Variants in GLCE observed in about 807,000 individuals in gnomAD.
The protein encoded by GLCE is D-glucuronyl C5-epimerase.
GLCE carries 19 observed loss-of-function variants against 47.9 expected under a neutral mutation model. That is an observed-to-expected ratio of 0.40 (90% CI 0.28 to 0.58). The LOEUF (loss-of-function observed/expected upper bound fraction) is 0.58, where lower values mean the gene tolerates loss of function less well. Ranked by LOEUF, GLCE falls within the 20% of genes least tolerant of loss-of-function variation. The pLI is 0.48. For missense variants in GLCE, 556 were observed against 743.3 expected, an observed-to-expected ratio of 0.75 and a Z score of 2.93; for synonymous variants, 245 against 263.4, an observed-to-expected ratio of 0.93 and a Z score of 0.68.
chr15:69,265,789 C>T (rs1346240356), intron 4 of GLCE, among the ~76,000 whole-genome samples: 1 of 152,156 alleles, frequency 6.6e-6, no homozygotes, highest in African/African-American at 2.4e-5. Context: ...TTCCAGCTTC[C>T]TCACACTTGG....
rs76378636 is a variant in GLCE, at chr15:69,192,451, T to C, written c.-104-17865T>C. 9.1e-3 allele frequency among the ~76,000 whole-genome samples: 1,392 copies of C among 152,250 alleles called. 15 individuals carry two copies. The highest frequency in any genetic ancestry group is 0.031 in the African/African-American group (1,305 of 41,570). On this transcript the variant is annotated intron_variant, in intron 1 of 4. Coordinates refer to ENST00000261858, the MANE Select transcript of GLCE (RefSeq NM_015554.3). ...CTCATTGTGTTTGGGTTTTCTCTTA[T>C]GCTGTTGAGGAAACATTTGTTATAG... is the stretch of plus-strand genomic sequence containing the variant.
At chr15:69,221,029 C>T (rs1386333740) in intron 2 of GLCE, among the ~76,000 whole-genome samples, 3 of 152,144 alleles carry the variant, frequency 2.0e-5, no homozygotes, top group African/African-American at 7.2e-5. Flanking sequence ...CTTTTATTCC[C>T]CTTTGGGTGG....
At chr15:69,215,881 G>C (rs2052300414) in intron 2 of GLCE, among the ~76,000 whole-genome samples, 2 of 152,154 alleles carry the variant, frequency 1.3e-5, no homozygotes, top group South Asian at 4.2e-4. Flanking sequence ...TTTGTGAAAA[G>C]GTAGCTGGTC....
intron 2 of GLCE, among the ~76,000 whole-genome samples, chr15:69,212,122 GT>G (rs1566957315): frequency 1.3e-5 from 2 of 151,464 alleles, no homozygotes; most frequent in Non-Finnish European, 2.9e-5. Context: ...GCTTTAATAT[GT>G]TAATGAGGCC....
chr15:69,164,244 CT>C, intron 1 of GLCE, among the ~76,000 whole-genome samples: 1 of 152,102 alleles, frequency 6.6e-6, no homozygotes, highest in South Asian at 2.1e-4. Context: ...CATTATTACA[CT>C]GCTGAAAATG....
chr15:69,245,353 A>AG (rs2052732347), intron 2 of GLCE, among the ~76,000 whole-genome samples: 1 of 144,762 alleles, frequency 6.9e-6, no homozygotes, highest in Non-Finnish European at 1.5e-5. Context: ...AAAAAAAAAA[A>AG]GTACATACCT....
At chr15:69,196,614 C>G (rs1264063269) in intron 1 of GLCE, 1 of 161,662 alleles carries the variant, frequency 6.2e-6, no homozygotes, top group African/African-American at 2.4e-5. Flanking sequence ...GAGTGTTGTG[C>G]CCGGCCATCA....
At chr15:69,212,908 C>T (rs1595758381) in intron 2 of GLCE, among the ~76,000 whole-genome samples, 1 of 152,102 alleles carries the variant, frequency 6.6e-6, no homozygotes, top group East Asian at 1.9e-4. Flanking sequence ...ATGGGGTTTT[C>T]TTTAAAATGT....
intron 2 of GLCE, among the ~76,000 whole-genome samples, chr15:69,241,929 A>T (rs768734222): frequency 5.3e-5 from 8 of 152,226 alleles, no homozygotes; most frequent in Non-Finnish European, 8.8e-5. Context: ...AGACTTAATT[A>T]TCTGGATTTG....
intron 1 of GLCE, among the ~76,000 whole-genome samples, chr15:69,165,986 AC>A (rs1566944497): frequency 2.0e-5 from 3 of 152,222 alleles, no homozygotes; most frequent in Non-Finnish European, 4.4e-5. Flanking sequence ...GGTGATGGTT[AC>A]ACTGTTAAAC....
intron 3 of GLCE, among the ~76,000 whole-genome samples, chr15:69,257,918 C>G (rs1306055756): frequency 6.6e-6 from 1 of 151,798 alleles, no homozygotes; most frequent in Admixed American, 6.6e-5. Flanking sequence ...GTAAAAAGTA[C>G]CCATAACCAC....
In GLCE at chr15:69,193,533, A is replaced by G. The variant is rs570746948; in HGVS notation, c.-104-16783A>G. Among the ~76,000 whole-genome samples, 8 of 152,228 alleles carry G rather than the reference A, an allele frequency of 5.3e-5. No individual in the cohort carries two copies. In the East Asian group the frequency reaches 1.6e-3, roughly 30 times the overall value. ...GAAGATAATAATGATGCATGTGATC[A>G]GGATCTCAAACTTCAGATTTTGCTC... On this transcript the variant is annotated intron_variant, in intron 1 of 4. Coordinates refer to ENST00000261858, the MANE Select transcript of GLCE (RefSeq NM_015554.3).
At chr15:69,232,439 T>G (rs1302840399) in intron 2 of GLCE, among the ~76,000 whole-genome samples, 1 of 142,628 alleles carries the variant, frequency 7.0e-6, no homozygotes, top group Admixed American at 7.7e-5. Context: ...GGGATTGATA[T>G]GACTACATGA....
intron 1 of GLCE, among the ~76,000 whole-genome samples, chr15:69,182,337 A>G (rs576425812): frequency 6.6e-5 from 10 of 151,534 alleles, no homozygotes; most frequent in Non-Finnish European, 1.5e-4. Context: ...ATCCAGCCAC[A>G]TGCAGCTGTG....
Position 69,270,548 on chromosome 15 carries a change from T to G in GLCE, c.*1304T>G, listed in dbSNP as rs1308307717. ...CAGTACACTAAATCAATACTATATC[T>G]TATACAGTTTGAAAATATGATACCC... On this transcript the variant is annotated 3_prime_UTR_variant, in exon 5 of 5. Transcript: ENST00000261858. 1.3e-5 allele frequency: 2 copies of G among 152,146 alleles called. No homozygotes were observed. The highest frequency in any genetic ancestry group is 2.9e-5 in the Non-Finnish European group (2 of 68,030). The allele number at this position is 152,146 out of a possible 1,614,324, so 9.4% of individuals were successfully genotyped here.
intron 1 of GLCE, among the ~76,000 whole-genome samples, chr15:69,178,162 CAT>C (rs1263208283): frequency 6.6e-6 from 1 of 152,008 alleles, no homozygotes; most frequent in Non-Finnish European, 1.5e-5. Flanking sequence ...TTGGGAATAA[CAT>C]ATTTATCATA....
intron 1 of GLCE, among the ~76,000 whole-genome samples, chr15:69,178,053 C>T (rs747301344): frequency 5.9e-5 from 9 of 152,072 alleles, no homozygotes; most frequent in African/African-American, 1.2e-4. Context: ...AAAGCTGTTA[C>T]GAATATTAGT....
chr15:69,260,090 CA>C (rs1274897833), intron 3 of GLCE, among the ~76,000 whole-genome samples: 1 of 151,980 alleles, frequency 6.6e-6, no homozygotes, highest in Non-Finnish European at 1.5e-5. Context: ...TAGAACTTTA[CA>C]TAAGGTAATC....
At chr15:69,204,378 G>A (rs920067421) in intron 1 of GLCE, among the ~76,000 whole-genome samples, 2 of 149,502 alleles carry the variant, frequency 1.3e-5, no homozygotes, top group Non-Finnish European at 3.0e-5. Flanking sequence ...TGTCTCCCAG[G>A]CTTAAGTGAT....
Sources: gnomAD v4.1 joint callset for allele counts (sites outside exome capture counted in the v4.1 genomes callset) on GRCh38, gnomAD v4.1.1 for gene constraint, MANE v1.5 for transcripts, NCBI Gene and HGNC (gene_info 2026-07-23, HGNC 2026-07-21) for gene names.